CNTRL: variants seen among roughly 807,000 people sequenced by gnomAD.
The protein encoded by CNTRL is 110 kDa centrosomal protein.
Under a neutral mutation model 303.7 loss-of-function variants are expected in CNTRL, and 233 were observed. That is an observed-to-expected ratio of 0.77 (90% CI 0.69 to 0.86). CNTRL has a LOEUF of 0.86. Among genes scored for constraint, CNTRL ranks in the 40% least tolerant of loss-of-function variants. CNTRL has a pLI of 0.00. For synonymous variants in CNTRL, 900 were observed against 922.2 expected (o/e 0.98, Z 0.44); for missense variants, 2,524 against 2,650.6 (o/e 0.95, Z 1.05).
At chr9:121,086,627 G>A (rs2048352779) in intron 2 of CNTRL, among the ~76,000 whole-genome samples, 1 of 147,310 alleles carries the variant, frequency 6.8e-6, no homozygotes, top group Admixed American at 6.7e-5. Flanking sequence ...CAGACTGCTG[G>A]ATTTACTTTT....
intron 16 of CNTRL, among the ~76,000 whole-genome samples, chr9:121,140,208 T>G (rs956897465): frequency 7.4e-4 from 113 of 152,228 alleles, no homozygotes; most frequent in Admixed American, 4.2e-3. Context: ...TTTAACATAT[T>G]TTCAGGTCCA....
intron 11 of CNTRL, among the ~76,000 whole-genome samples, chr9:121,117,689 A>G (rs897797870): frequency 5.9e-5 from 9 of 152,172 alleles, no homozygotes; most frequent in Non-Finnish European, 8.8e-5. Flanking sequence ...AGATTAAAGG[A>G]TATAAAGAGG....
In CNTRL at chr9:121,099,354, G is replaced by C. The variant is rs1323280527; in HGVS notation, c.808+782G>C. ...AGCTCAGGGTCCTGACTGTTAGAAGGAAAACTAACAAACAGAAAGGATATC... is the reference window on the plus strand; with the variant it reads ...AGCTCAGGGTCCTGACTGTTAGAAGCAAAACTAACAAACAGAAAGGATATC... On this transcript the variant is annotated intron_variant, in intron 7 of 43. Transcript: ENST00000373855. Among the ~76,000 whole-genome samples, 4 of 152,164 alleles carry C rather than the reference G, an allele frequency of 2.6e-5. No homozygotes were observed. The East Asian group carries it at 5.8e-4, about 22-fold the overall frequency.
chr9:121,153,257 C>G (rs1441974783), intron 26 of CNTRL, among the ~76,000 whole-genome samples: 2 of 152,190 alleles, frequency 1.3e-5, no homozygotes, highest in Admixed American at 1.3e-4. Context: ...CTGACTGTTC[C>G]ACTTTCCCAT....
At chr9:121,165,764 A>AATAT (rs1271228805) in intron 35 of CNTRL, among the ~76,000 whole-genome samples, 1 of 152,226 alleles carries the variant, frequency 6.6e-6, no homozygotes, top group Non-Finnish European at 1.5e-5. Context: ...AAGCCAATAT[A>AATAT]GATAAAAAAT....
At chr9:121,121,711 C>T in intron 12 of CNTRL, 4 of 873,254 alleles carry the variant, frequency 4.6e-6, no homozygotes, top group Non-Finnish European at 5.5e-6. Context: ...ATTTAACTCG[C>T]GGAGGGTGGG....
Position 121,171,075 on chromosome 9 carries a change from G to A in CNTRL, c.6277-333G>A, listed in dbSNP as rs1364759684. On this transcript the variant is annotated intron_variant, in intron 39 of 43. Coordinates refer to ENST00000373855, the MANE Select transcript of CNTRL (RefSeq NM_007018.6). ...GCTGATAACTAGTGATAGGCAGATC[G>A]TCATAAAGATGGAATATAGATGTCT... Among the ~76,000 whole-genome samples, 7 of 152,180 alleles carry A rather than the reference G, an allele frequency of 4.6e-5. No individual in the cohort carries two copies. The East Asian group carries it at 7.7e-4, about 17-fold the overall frequency.
At chr9:121,112,613 A>G in intron 9 of CNTRL, 35 bp downstream of exon 9, 2 of 1,605,104 alleles carry the variant, frequency 1.2e-6, no homozygotes, top group Non-Finnish European at 1.7e-6. Context: ...ATCCAAAGTT[A>G]AAGCCCACAT....
Position 121,088,391 on chromosome 9 carries a change from C to T in CNTRL, c.65C>T (p.Pro22Leu), listed in dbSNP as rs1175921294. The T allele has an allele frequency of 6.2e-7, 1 of 1,613,332 alleles. No homozygotes were observed. The highest frequency in any genetic ancestry group is 1.3e-5 in the African/African-American group (1 of 74,922). Residue 22 changes from proline (P) to leucine (L), a missense_variant, in exon 3 of 44, where the codon CCT becomes CTT. Pro to Leu is a moderately conservative substitution (Grantham distance 98). Transcript: ENST00000373855. ...KAKIPSSSHS[P>L]IPSSMSNMRS... ...AAGATACCATCATCATCTCACTCTC[C>T]TATCCCATCATCTATGTCCAATATG...
At chr9:121,125,661 A>G (rs1185631574) in intron 13 of CNTRL, 55 bp from the exon 14 acceptor site, 2 of 1,426,926 alleles carry the variant, frequency 1.4e-6, no homozygotes. Flanking sequence ...AATGCTGAGC[A>G]GACAATGCAG....
chr9:121,144,016 C>A lies in CNTRL; in HGVS notation c.2985C>A (p.Thr995=), dbSNP rs763318162. 1.2e-6 allele frequency: 2 copies of A among 1,613,970 alleles called. No individual in the cohort carries two copies. Among genetic ancestry groups the A allele is most frequent in the South Asian group, 2.2e-5 (2 of 91,058 alleles). ...ATAAGCTAGCCACAGCTGAGCTCAC[C>A]ATTGCCAAAGACCAGCTGAAGTCCC... ...TSDKLATAEL[T]IAKDQLKSLH... The change falls in exon 20 of 44, where the codon ACC becomes ACA. Residue 995 remains threonine (T), a synonymous_variant. Transcript: ENST00000373855.
chr9:121,144,435 C>T (rs1030912204), intron 20 of CNTRL, among the ~76,000 whole-genome samples: 12 of 152,110 alleles, frequency 7.9e-5, no homozygotes, highest in Admixed American at 2.0e-4. Context: ...TTTTTCATCT[C>T]GTGCAGTCAT....
Position 121,142,257 on chromosome 9 carries a change from A to T in CNTRL, c.2858A>T (p.Glu953Val). The T allele has an allele frequency of 2.5e-6, 4 of 1,600,626 alleles. No individual in the cohort carries two copies. Among genetic ancestry groups the T allele is most frequent in the Non-Finnish European group, 3.4e-6 (4 of 1,176,478 alleles). ...EKERILAQLR[E>V]LEKKKKLEDA... ...GAGAGAATTCTGGCCCAACTCCGAG[A>T]GTTAGAGAAAAAGGTAGGGGAGACT... The change falls in exon 19 of 44, where the codon GAG becomes GTG. Residue 953 changes from glutamate (E) to valine (V), a missense_variant. Physicochemically the swap from Glu to Val is moderately radical, Grantham distance 121 (BLOSUM62 -2). Transcript: ENST00000373855.
chr9:121,093,936 C>A (rs1294232760), intron 4 of CNTRL, among the ~76,000 whole-genome samples: 5 of 151,924 alleles, frequency 3.3e-5, no homozygotes, highest in Admixed American at 3.3e-4. Context: ...TGGTGAAACC[C>A]CATCTCTACT....
At chr9:121,075,624 G>A (rs6478498) in intron 1 of CNTRL, among the ~76,000 whole-genome samples, 59,568 of 152,042 alleles carry the variant, frequency 0.39, 13,031 homozygotes, top group South Asian at 0.64. Flanking sequence ...CCTCAATTCT[G>A]CCACCTTGTG....
chr9:121,142,342 G>C, intron 19 of CNTRL, 72 bp downstream of exon 19: 1 of 1,349,600 alleles, frequency 7.4e-7, no homozygotes, highest in East Asian at 2.4e-5. Context: ...AACTAGGTCA[G>C]CTGAGATGGG....
At chr9:121,090,732 A>G (rs2048531606) in intron 4 of CNTRL, among the ~76,000 whole-genome samples, 1 of 152,222 alleles carries the variant, frequency 6.6e-6, no homozygotes. Flanking sequence ...TTGTTTTTGC[A>G]CTACAGTAGC....
chr9:121,157,513 T>C lies in CNTRL; in HGVS notation c.4409T>C (p.Leu1470Ser). The C allele has an allele frequency of 6.2e-7, 1 of 1,614,138 alleles. No individual in the cohort carries two copies. The highest frequency in any genetic ancestry group is 8.5e-7 in the Non-Finnish European group (1 of 1,180,010). ...AAGTTCACTGATGCCAAGAGAAGTT[T>C]ATTGCAAACTGAGTCAGATGCTGAG... ...VEKFTDAKRS[L>S]LQTESDAEEL... is the part of the protein sequence containing the mutation. Residue 1470 changes from leucine to serine, a missense_variant, in exon 28 of 44, where the codon TTA becomes TCA. By Grantham distance (145) the Leu-to-Ser change is moderately radical. Coordinates refer to ENST00000373855, the MANE Select transcript of CNTRL (RefSeq NM_007018.6).
At chr9:121,108,039 C>G (rs1564213808) in intron 8 of CNTRL, 44 bp downstream of exon 8, 2 of 1,346,652 alleles carry the variant, frequency 1.5e-6, no homozygotes, top group East Asian at 2.5e-5. Flanking sequence ...TCTCATAAGA[C>G]AGATAATTCT....
Sources: gnomAD v4.1 joint callset for allele counts (sites outside exome capture counted in the v4.1 genomes callset) on GRCh38, gnomAD v4.1.1 for gene constraint, MANE v1.5 for transcripts, NCBI Gene and HGNC (gene_info 2026-07-23, HGNC 2026-07-21) for gene names.